The following FOXP1 variants were observed in gnomAD, a reference collection of about 807,000 sequenced individuals.
FOXP1 encodes forkhead box P1, also known as forkhead box protein P1.
A neutral mutation model predicts 98.2 loss-of-function variants in FOXP1; 15 were observed. That is an observed-to-expected ratio of 0.15 (90% confidence interval 0.10 to 0.24). The LOEUF is 0.24. Ranked by LOEUF, FOXP1 falls within the 10% of genes least tolerant of loss-of-function variation. The pLI is 1.00. For missense variants in FOXP1, 633 were observed against 848.5 expected (o/e 0.75, Z 3.15); for synonymous variants, 371 against 314.5 (o/e 1.18, Z -1.90).
intron 5 of FOXP1, among the ~76,000 whole-genome samples, chr3:71,295,311 A>C (rs2073172615): frequency 6.6e-6 from 1 of 152,242 alleles, no homozygotes; most frequent in Non-Finnish European, 1.5e-5. Context: ...CATTAGGTAA[A>C]TGTTCAAATC....
At chr3:71,379,106 G>A (rs1481007682) in intron 3 of FOXP1, among the ~76,000 whole-genome samples, 1 of 151,972 alleles carries the variant, frequency 6.6e-6, no homozygotes, top group East Asian at 1.9e-4. Context: ...GATCTTGGTG[G>A]TTTTTAGTTA....
intron 5 of FOXP1, among the ~76,000 whole-genome samples, chr3:71,212,384 A>G (rs2064549344): frequency 6.6e-6 from 1 of 152,188 alleles, no homozygotes; most frequent in Non-Finnish European, 1.5e-5. Flanking sequence ...TTCACAAAGC[A>G]CGTACTGAGG....
At chr3:71,064,485 A>G (rs1438951613) in intron 7 of FOXP1, among the ~76,000 whole-genome samples, 1 of 151,938 alleles carries the variant, frequency 6.6e-6, no homozygotes, top group African/African-American at 2.4e-5. Context: ...CACAAGCAGG[A>G]CTTCCTCCAA....
At chr3:71,020,844 G>A (rs1228375620) in intron 11 of FOXP1, among the ~76,000 whole-genome samples, 1 of 152,014 alleles carries the variant, frequency 6.6e-6, no homozygotes, top group East Asian at 1.9e-4. Flanking sequence ...CCAAATTTCT[G>A]ATTCATCTGC....
At chr3:71,262,424 A>C (rs1172418285) in intron 5 of FOXP1, among the ~76,000 whole-genome samples, 1 of 152,092 alleles carries the variant, frequency 6.6e-6, no homozygotes, top group South Asian at 2.1e-4. Flanking sequence ...GGGGCTGAGC[A>C]GATTTCTAAT....
chr3:71,313,784 C>G (rs889093242), intron 4 of FOXP1, among the ~76,000 whole-genome samples: 1 of 152,120 alleles, frequency 6.6e-6, no homozygotes, highest in Admixed American at 6.5e-5. Flanking sequence ...CTCGGCCTCC[C>G]AAAGTGCTGG....
chr3:71,006,039 T>C (rs2042768800), intron 12 of FOXP1, among the ~76,000 whole-genome samples: 1 of 152,094 alleles, frequency 6.6e-6, no homozygotes, highest in Non-Finnish European at 1.5e-5. Context: ...TATTTCAAAT[T>C]TGAGCTGAGA....
intron 2 of FOXP1, among the ~76,000 whole-genome samples, chr3:71,508,065 A>T (rs572889248): frequency 1.1e-4 from 16 of 152,360 alleles, no homozygotes; most frequent in African/African-American, 3.8e-4. Flanking sequence ...AAATGGATTT[A>T]AACCCAAGTC....
intron 6 of FOXP1, among the ~76,000 whole-genome samples, chr3:71,173,781 T>C (rs2061775573): frequency 6.6e-6 from 1 of 152,170 alleles, no homozygotes; most frequent in Non-Finnish European, 1.5e-5. Context: ...TAAGCCTCTT[T>C]CCAACAGCAT....
chr3:71,266,925 T>C (rs1014087182), intron 5 of FOXP1, among the ~76,000 whole-genome samples: 1 of 152,220 alleles, frequency 6.6e-6, no homozygotes, highest in Non-Finnish European at 1.5e-5. Context: ...GGCTGCAGTT[T>C]TGGACTTTCA....
intron 3 of FOXP1, among the ~76,000 whole-genome samples, chr3:71,433,778 C>G (rs906898354): frequency 1.2e-4 from 18 of 152,234 alleles, no homozygotes; most frequent in African/African-American, 4.1e-4. Context: ...TTTTCTCTTC[C>G]CTGACTGGTT....
At chr3:71,578,050 A>T (rs1470891925) in intron 2 of FOXP1, among the ~76,000 whole-genome samples, 1 of 152,214 alleles carries the variant, frequency 6.6e-6, no homozygotes, top group Non-Finnish European at 1.5e-5. Context: ...AGGATAAGGA[A>T]GAAAGGAAAA....
At chr3:71,508,264 T>A (rs1405875684) in intron 2 of FOXP1, among the ~76,000 whole-genome samples, 2 of 152,220 alleles carry the variant, frequency 1.3e-5, no homozygotes, top group Non-Finnish European at 2.9e-5. Context: ...GATTTGGTTT[T>A]TAGATTCTTT....
At chr3:71,288,929 G>T (rs985974433) in intron 5 of FOXP1, among the ~76,000 whole-genome samples, 1 of 152,170 alleles carries the variant, frequency 6.6e-6, no homozygotes, top group Non-Finnish European at 1.5e-5. Context: ...GGTCATCAAT[G>T]ACTTCCATAT....
chr3:71,228,530 G>C (rs981010055), intron 5 of FOXP1, among the ~76,000 whole-genome samples: 9 of 152,058 alleles, frequency 5.9e-5, no homozygotes, highest in Non-Finnish European at 1.2e-4. Context: ...AGGAAGATGC[G>C]TCCCACTCAT....
At chr3:71,373,920 T>C (rs1384061820) in intron 3 of FOXP1, among the ~76,000 whole-genome samples, 1 of 152,218 alleles carries the variant, frequency 6.6e-6, no homozygotes, top group East Asian at 1.9e-4. Context: ...TCTTTTCAAA[T>C]AAAGTTCTGT....
At chr3:71,496,961 A>AGTGTGT (rs148821144) in intron 2 of FOXP1, among the ~76,000 whole-genome samples, 20 of 149,464 alleles carry the variant, frequency 1.3e-4, no homozygotes, top group Admixed American at 3.3e-4. Context: ...GGTGTGTGGA[A>AGTGTGT]GTGTGTGTGT....
At chr3:71,021,033 A>G (rs1161302898) in intron 11 of FOXP1, among the ~76,000 whole-genome samples, 1 of 152,218 alleles carries the variant, frequency 6.6e-6, no homozygotes, top group Non-Finnish European at 1.5e-5. Context: ...GTGGAAATAC[A>G]TTTTTCAAGT....
intron 3 of FOXP1, among the ~76,000 whole-genome samples, chr3:71,371,802 T>C (rs2079337656): frequency 1.3e-5 from 2 of 152,112 alleles, no homozygotes; most frequent in Admixed American, 6.5e-5. Flanking sequence ...CGCCCCGGTA[T>C]ACAGGGTCCT....
Sources: allele counts gnomAD v4.1 joint callset (sites outside exome capture counted in the v4.1 genomes callset), GRCh38; gene constraint gnomAD v4.1.1; transcripts MANE v1.5; gene names NCBI Gene and HGNC (gene_info 2026-07-23, HGNC 2026-07-21).